The following RNF17 variants were observed in gnomAD, a reference collection of about 807,000 sequenced individuals.
RNF17 encodes spermatogenesis associated 23.
Under a neutral mutation model 200.5 loss-of-function variants are expected in RNF17, and 31 were observed. That is an observed-to-expected ratio of 0.15 (90% CI 0.12 to 0.21). RNF17 has a LOEUF of 0.21. Ranked by LOEUF, RNF17 falls within the 10% of genes least tolerant of loss-of-function variation. The pLI is 1.00. For synonymous variants in RNF17, 606 were observed against 637.8 expected (o/e 0.95, Z 0.75); for missense variants, 1,628 against 1,905.1 (o/e 0.85, Z 2.71).
At chr13:24,794,597 C>T (rs951590208) in intron 10 of RNF17, among the ~76,000 whole-genome samples, 4 of 152,090 alleles carry the variant, frequency 2.6e-5, no homozygotes, top group African/African-American at 9.7e-5. Context: ...ATCACTTGAG[C>T]CTGGGAGGCG....
the RNF17 span, among the ~76,000 whole-genome samples, chr13:24,748,218 GAAACCTCTCCAC>G: frequency 6.6e-6 from 1 of 152,198 alleles, no homozygotes; most frequent in East Asian, 1.9e-4. Flanking sequence ...GTGGCTTTGG[GAAACCTCTCCAC>G]AACCAAGTGG....
chr13:24,823,339 T>C (rs1305374538), intron 15 of RNF17, among the ~76,000 whole-genome samples: 1 of 152,238 alleles, frequency 6.6e-6, no homozygotes, highest in Non-Finnish European at 1.5e-5. Flanking sequence ...CCCAAAGTGC[T>C]GGGATTACAG....
intron 6 of RNF17, among the ~76,000 whole-genome samples, chr13:24,786,902 TTCTG>T (rs1883180866): frequency 1.3e-5 from 2 of 152,146 alleles, no homozygotes; most frequent in Admixed American, 1.3e-4. Flanking sequence ...TTCAAATAAT[TTCTG>T]TCTCTTTGTC....
chr13:24,820,448 A>G (rs3977168), intron 15 of RNF17, among the ~76,000 whole-genome samples: 149,270 of 151,936 alleles, frequency 0.98, 73,363 homozygotes, highest in Middle Eastern at 1. Flanking sequence ...TTTTGTTTTT[A>G]TTTTTGAGAT....
Position 24,788,050 on chromosome 13 carries a change from A to C in RNF17, c.674A>C (p.Lys225Thr). Residue 225 changes from lysine (K) to threonine (T), a missense_variant, in exon 7 of 36, where the codon AAG becomes ACG. Coordinates refer to ENST00000255324, the MANE Select transcript of RNF17 (RefSeq NM_031277.3). ...GATGATTATCTATCAAATTTAATAAAGGCTAAAAGCTACATTGAAGAGAAA... is the reference window on the plus strand; with the variant it reads ...GATGATTATCTATCAAATTTAATAACGGCTAAAAGCTACATTGAAGAGAAA... ...TTDDYLSNLIKAKSYIEEKKN... is the reference protein window; with the variant it reads ...TTDDYLSNLITAKSYIEEKKN... The C allele has an allele frequency of 6.3e-7, 1 of 1,591,362 alleles. No individual in the cohort carries two copies. Among genetic ancestry groups the C allele is most frequent in the Non-Finnish European group, 8.5e-7 (1 of 1,173,048 alleles).
chr13:24,850,759 G>A (rs75295432), intron 23 of RNF17, among the ~76,000 whole-genome samples: 481 of 151,848 alleles, frequency 3.2e-3, no homozygotes, highest in African/African-American at 0.011. Flanking sequence ...TAGTTCTTTT[G>A]CTTTTTGTAG....
At chr13:24,774,032 C>A (rs1482047084) in intron 2 of RNF17, among the ~76,000 whole-genome samples, 1 of 152,082 alleles carries the variant, frequency 6.6e-6, no homozygotes, top group Non-Finnish European at 1.5e-5. Context: ...CATCAACTAT[C>A]CAACTTTCTT....
downstream of RNF17, among the ~76,000 whole-genome samples, chr13:24,880,167 G>A (rs1206403948): frequency 2.6e-5 from 4 of 152,118 alleles, no homozygotes; most frequent in South Asian, 2.1e-4. Context: ...CCACATGGCT[G>A]GGGAGGCCTC....
Position 24,789,746 on chromosome 13 carries a change from A to G in RNF17, c.909A>G (p.Gly303=). The change falls in exon 9 of 36, where the codon GGA becomes GGG. Residue 303 remains glycine, a synonymous_variant. Transcript: ENST00000255324. ...TCATCTGTATGTTCAACAATATGGG[A>G]AAGATTGAATTTAGGGACTCAACAA... ...SEIICMFNNM[G]KIEFRDSTKC... is the part of the protein sequence containing the mutation. The G allele has an allele frequency of 6.3e-7, 1 of 1,599,666 alleles. No individual in the cohort carries two copies. The highest frequency in any genetic ancestry group is 8.6e-7 in the Non-Finnish European group (1 of 1,167,512).
upstream of RNF17, among the ~76,000 whole-genome samples, chr13:24,762,419 A>T (rs2137831410): frequency 6.6e-6 from 1 of 151,056 alleles, no homozygotes; most frequent in South Asian, 2.1e-4. Context: ...TGAAGAGTGA[A>T]CAGTAGGTAT....
intron 24 of RNF17, among the ~76,000 whole-genome samples, chr13:24,852,412 A>C (rs1475987039): frequency 6.6e-6 from 1 of 152,264 alleles, no homozygotes; most frequent in East Asian, 1.9e-4. Context: ...TGCTGGGATT[A>C]CAGGTGTGAG....
At chr13:24,815,739 T>C (rs1887321684) in intron 15 of RNF17, among the ~76,000 whole-genome samples, 1 of 152,180 alleles carries the variant, frequency 6.6e-6, no homozygotes, top group Non-Finnish European at 1.5e-5. Context: ...TTGAGTAAGT[T>C]TCCTTCTGTC....
intron 25 of RNF17, among the ~76,000 whole-genome samples, chr13:24,857,100 A>C (rs973687984): frequency 1.3e-5 from 2 of 152,174 alleles, no homozygotes; most frequent in African/African-American, 4.8e-5. Flanking sequence ...TAGATCAGAC[A>C]AAGGGGTTCA....
chr13:24,838,876 T>TA (rs1890306815), intron 18 of RNF17, among the ~76,000 whole-genome samples: 1 of 152,046 alleles, frequency 6.6e-6, no homozygotes, highest in African/African-American at 2.4e-5. Context: ...AAGAAAAAGT[T>TA]AAACTGTCAC....
At chr13:24,869,022 C>T (rs539803334) in intron 31 of RNF17, among the ~76,000 whole-genome samples, 58 of 152,294 alleles carry the variant, frequency 3.8e-4, no homozygotes, top group African/African-American at 1.3e-3. Context: ...TCTCGCTTCC[C>T]TTCCTCTTCC....
At chr13:24,802,292 T>C (rs1272928370) in intron 13 of RNF17, 89 bp from the exon 14 acceptor site, 4 of 1,192,344 alleles carry the variant, frequency 3.4e-6, no homozygotes, top group Non-Finnish European at 4.7e-6. Context: ...CGCAGTTGCG[T>C]CTGTGGTTGG....
rs11616245 is a variant in RNF17 at position 24,789,339 on chromosome 13, A to T, written c.784-9A>T. 220,961 of 1,522,768 alleles carry T rather than the reference A, an allele frequency of 0.15. 14,610 individuals carry two copies. Among genetic ancestry groups the T allele is most frequent in the African/African-American group, 0.3 (21,640 of 72,090 alleles). The allele number at this position is 1,522,768 out of a possible 1,614,324, so 94.3% of individuals were successfully genotyped here. ...TTCACACATGAATGATTTTTTTTTT[A>T]AATTCTAGATTATCCGGACTTTGCA... On this transcript the variant is annotated splice_polypyrimidine_tract_variant and intron_variant, in intron 7 of 35. Transcript: ENST00000255324.
intron 25 of RNF17, among the ~76,000 whole-genome samples, chr13:24,857,389 C>T (rs1248267975): frequency 1.3e-5 from 2 of 152,098 alleles, no homozygotes; most frequent in Non-Finnish European, 2.9e-5. Flanking sequence ...ATGTAGACAT[C>T]CTCAGTACTC....
At chr13:24,844,537 A>G in intron 20 of RNF17, 115 bp from the exon 21 acceptor site, 2 of 803,998 alleles carry the variant, frequency 2.5e-6, no homozygotes, top group South Asian at 3.7e-5. Flanking sequence ...TCAAGGAAGA[A>G]CAAGGTGCCC....
Sources: allele counts gnomAD v4.1 joint callset (sites outside exome capture counted in the v4.1 genomes callset), GRCh38; gene constraint gnomAD v4.1.1; transcripts MANE v1.5; gene names NCBI Gene and HGNC (gene_info 2026-07-23, HGNC 2026-07-21).